Variants in MACROD2 observed in about 807,000 individuals in gnomAD.
The protein encoded by MACROD2 is mono-ADP ribosylhydrolase 2.
In MACROD2, 36 loss-of-function variants were observed where a neutral mutation model predicts 70.4. The ratio of observed to expected loss-of-function variants is 0.51; its 90% CI spans 0.39 to 0.68. The LOEUF (loss-of-function observed/expected upper bound fraction) is 0.68. Ranked by LOEUF, MACROD2 falls within the 30% of genes least tolerant of loss-of-function variation. MACROD2 has a pLI of 0.00. For synonymous variants in MACROD2, 172 were observed against 178.8 expected (o/e 0.96, Z 0.30); for missense variants, 496 against 538.4 (o/e 0.92, Z 0.78).
intron 8 of MACROD2, among the ~76,000 whole-genome samples, chr20:15,582,566 C>A (rs1052363370): frequency 6.6e-6 from 1 of 152,176 alleles, no homozygotes; most frequent in African/African-American, 2.4e-5. Context: ...TGCAATTAGT[C>A]ACGTGGTGGA....
chr20:15,591,903 G>A (rs1250109701), intron 8 of MACROD2, among the ~76,000 whole-genome samples: 1 of 152,096 alleles, frequency 6.6e-6, no homozygotes, highest in Admixed American at 6.6e-5. Context: ...AGTGATTTGG[G>A]TGCAACATGC....
At chr20:14,861,984 T>C (rs1255442932) in intron 5 of MACROD2, among the ~76,000 whole-genome samples, 1 of 60,006 alleles carries the variant, frequency 1.7e-5, no homozygotes, top group Admixed American at 3.0e-4. Flanking sequence ...TAAATATATA[T>C]ATATATATTT....
intron 15 of MACROD2, among the ~76,000 whole-genome samples, chr20:15,990,955 G>C (rs1332489596): frequency 1.3e-5 from 2 of 152,136 alleles, no homozygotes; most frequent in African/African-American, 2.4e-5. Flanking sequence ...CGATGGCATG[G>C]GAGCCAATGG....
chr20:14,624,731 C>G (rs780727165), intron 4 of MACROD2, among the ~76,000 whole-genome samples: 5 of 152,188 alleles, frequency 3.3e-5, no homozygotes, highest in Non-Finnish European at 7.3e-5. Context: ...AACTGCACTT[C>G]TTCCTCTGCT....
intron 3 of MACROD2, among the ~76,000 whole-genome samples, chr20:14,116,058 G>C (rs12625894): frequency 0.47 from 71,013 of 151,960 alleles, 18,121 homozygotes; most frequent in African/African-American, 0.69. Context: ...GGGGCTGATT[G>C]GTGAATCTTG....
intron 3 of MACROD2, among the ~76,000 whole-genome samples, chr20:14,259,703 G>A (rs548621109): frequency 5.8e-4 from 88 of 152,330 alleles, no homozygotes; most frequent in Middle Eastern, 3.4e-3. Flanking sequence ...CAGACAAGAA[G>A]AAAGAGAGTT....
chr20:14,331,429 A>G (rs1191138625), intron 3 of MACROD2, among the ~76,000 whole-genome samples: 1 of 152,114 alleles, frequency 6.6e-6, no homozygotes, highest in Non-Finnish European at 1.5e-5. Context: ...TGCCATTCAT[A>G]CAATAGTGGT....
At chr20:15,560,762 C>CAAAAA (rs71190190) in intron 8 of MACROD2, among the ~76,000 whole-genome samples, 3 of 22,080 alleles carry the variant, frequency 1.4e-4, no homozygotes, top group East Asian at 1.1e-3. Context: ...AACAAAGTCT[C>CAAAAA]AAAAAAAAAA....
At chr20:14,220,462 A>C (rs1381060749) in intron 3 of MACROD2, among the ~76,000 whole-genome samples, 3 of 152,158 alleles carry the variant, frequency 2.0e-5, no homozygotes, top group Non-Finnish European at 4.4e-5. Flanking sequence ...TATGCCTCCT[A>C]GCTTTGAAAG....
chr20:15,908,288 G>A (rs1338980806), intron 10 of MACROD2, among the ~76,000 whole-genome samples: 1 of 152,170 alleles, frequency 6.6e-6, no homozygotes, highest in Non-Finnish European at 1.5e-5. Context: ...CTGCCAGACA[G>A]AAATGACTTC....
chr20:15,673,159 T>G (rs1414604649), intron 8 of MACROD2, among the ~76,000 whole-genome samples: 1 of 152,152 alleles, frequency 6.6e-6, no homozygotes, highest in Non-Finnish European at 1.5e-5. Flanking sequence ...AGCTCCAGAA[T>G]GAACCTGATG....
chr20:14,021,387 C>T (rs193198673), intron 2 of MACROD2, among the ~76,000 whole-genome samples: 34 of 152,266 alleles, frequency 2.2e-4, no homozygotes, highest in African/African-American at 6.7e-4. Context: ...GAGTCTGTAG[C>T]GGCCTTGGAA....
At chr20:15,878,465 G>A (rs368607647) in intron 9 of MACROD2, among the ~76,000 whole-genome samples, 64 of 152,212 alleles carry the variant, frequency 4.2e-4, no homozygotes, top group African/African-American at 1.4e-3. Flanking sequence ...TCTAACAAGC[G>A]TTCAGATGAT....
At chr20:14,999,912 T>G (rs898753307) in intron 5 of MACROD2, among the ~76,000 whole-genome samples, 1 of 152,190 alleles carries the variant, frequency 6.6e-6, no homozygotes, top group Admixed American at 6.5e-5. Context: ...TGATGAAAAG[T>G]TGCAGAATAA....
chr20:14,892,614 T>A (rs1416357173), intron 5 of MACROD2: 2 of 152,224 alleles, frequency 1.3e-5, no homozygotes, highest in African/African-American at 4.8e-5. Context: ...ATTCACGTTG[T>A]TATGCAATAG....
chr20:15,957,375 C>A (rs748963558), intron 12 of MACROD2, among the ~76,000 whole-genome samples: 5 of 152,130 alleles, frequency 3.3e-5, no homozygotes, highest in Admixed American at 2.0e-4. Context: ...GAAAAACATG[C>A]ACTTTAATTT....
At chr20:15,707,912 C>G (rs972899330) in intron 8 of MACROD2, among the ~76,000 whole-genome samples, 2 of 151,738 alleles carry the variant, frequency 1.3e-5, no homozygotes. Context: ...GCAAAGGCTG[C>G]ATGGTGTGAG....
intron 5 of MACROD2, among the ~76,000 whole-genome samples, chr20:14,827,721 T>A (rs952348103): frequency 2.0e-5 from 3 of 152,198 alleles, no homozygotes; most frequent in African/African-American, 7.2e-5. Context: ...TGGAACATAC[T>A]CTTTGCTGTG....
chr20:14,805,743 CA>C, intron 5 of MACROD2, among the ~76,000 whole-genome samples: 1 of 152,060 alleles, frequency 6.6e-6, no homozygotes, highest in East Asian at 1.9e-4. Flanking sequence ...ATACGTCTAA[CA>C]AGACTCATCT....
Sources: gnomAD v4.1 joint callset for allele counts (sites outside exome capture counted in the v4.1 genomes callset) on GRCh38, gnomAD v4.1.1 for gene constraint, MANE v1.5 for transcripts, NCBI Gene and HGNC (gene_info 2026-07-23, HGNC 2026-07-21) for gene names.